The following CREB5 variants were observed in gnomAD, a reference collection of about 807,000 sequenced individuals.
CREB5 encodes the protein cyclic AMP-responsive element-binding protein 5.
A neutral mutation model predicts 57.1 loss-of-function variants in CREB5; 19 were observed. The observed-to-expected ratio is 0.33, with a 90% confidence interval of 0.23 to 0.49. The LOEUF is 0.49. CREB5 is among the 20% of genes least tolerant of loss of function. The pLI, the probability that CREB5 is intolerant of heterozygous loss-of-function variation, is 0.99. For synonymous variants in CREB5, 238 were observed against 238.3 expected, an observed-to-expected ratio of 1.00 and a Z score of 0.01; for missense variants, 579 against 671.6, an observed-to-expected ratio of 0.86 and a Z score of 1.52.
chr7:28,647,203 GCACTGGC>G (rs1228339545), intron 5 of CREB5, among the ~76,000 whole-genome samples: 1 of 151,202 alleles, frequency 6.6e-6, no homozygotes, highest in Non-Finnish European at 1.5e-5. Context: ...GGGCTTGCCA[GCACTGGC>G]CACTGGCCAC....
intron 7 of CREB5, among the ~76,000 whole-genome samples, chr7:28,784,470 C>T (rs1269874231): frequency 2.7e-5 from 4 of 150,834 alleles, no homozygotes; most frequent in Non-Finnish European, 4.5e-5. Context: ...TCCCTCCCTC[C>T]TGCTCATTTT....
intron 1 of CREB5, among the ~76,000 whole-genome samples, chr7:28,356,504 A>G (rs559928438): frequency 6.6e-6 from 1 of 152,340 alleles, no homozygotes; most frequent in East Asian, 1.9e-4. Context: ...TGGCCCACAG[A>G]TATAAACCCA....
intron 7 of CREB5, among the ~76,000 whole-genome samples, chr7:28,797,135 T>C (rs1209319264): frequency 6.6e-6 from 1 of 152,240 alleles, no homozygotes. Flanking sequence ...GGGAAATTGC[T>C]AAAATTTGTC....
chr7:28,819,156 C>G lies in CREB5; in HGVS notation c.1404C>G (p.Cys468Trp). ...SSPPASPVPA[C>W]SQQQVIQHNT... Reference sequence around the variant, plus strand: ...CTCCTGCTAGTCCTGTCCCAGCTTGCTCCCAGCAACAAGTCATCCAGCATA... The same window carrying G: ...CTCCTGCTAGTCCTGTCCCAGCTTGGTCCCAGCAACAAGTCATCCAGCATA... The change falls in exon 11 of 11, where the codon TGC (cysteine) becomes TGG (tryptophan). Residue 468 changes from cysteine to tryptophan, a missense_variant. Transcript: ENST00000357727. 6.2e-7 allele frequency: 1 copy of G among 1,613,772 alleles called. No homozygotes were observed.
intron 7 of CREB5, among the ~76,000 whole-genome samples, chr7:28,799,159 C>A (rs1052777730): frequency 6.6e-6 from 1 of 152,228 alleles, no homozygotes; most frequent in African/African-American, 2.4e-5. Context: ...ACATGCAGAG[C>A]AGCTTGATAA....
At chr7:28,525,547 G>A (rs1793411539) in intron 4 of CREB5, among the ~76,000 whole-genome samples, 1 of 151,930 alleles carries the variant, frequency 6.6e-6, no homozygotes, top group Non-Finnish European at 1.5e-5. Flanking sequence ...ATATCTCATT[G>A]TGGTTTTGAT....
chr7:28,694,353 G>A (rs771384221), intron 5 of CREB5, among the ~76,000 whole-genome samples: 1 of 152,052 alleles, frequency 6.6e-6, no homozygotes, highest in Non-Finnish European at 1.5e-5. Flanking sequence ...TCATGCAGTG[G>A]CCTCTCTATA....
intron 1 of CREB5, among the ~76,000 whole-genome samples, chr7:28,345,253 T>C (rs1426008840): frequency 3.5e-5 from 5 of 143,854 alleles, no homozygotes; most frequent in Admixed American, 1.5e-4. Flanking sequence ...ATAAACCATA[T>C]GGTGGCCCAC....
At chr7:28,673,392 G>A (rs1175240472) in intron 5 of CREB5, among the ~76,000 whole-genome samples, 1 of 152,124 alleles carries the variant, frequency 6.6e-6, no homozygotes, top group African/African-American at 2.4e-5. Flanking sequence ...AGAACCCGCT[G>A]GGCAGCCCAC....
upstream of CREB5, among the ~76,000 whole-genome samples, chr7:28,408,482 C>T (rs1488578309): frequency 6.6e-6 from 1 of 152,182 alleles, no homozygotes; most frequent in Non-Finnish European, 1.5e-5. Flanking sequence ...AGACCAGGCG[C>T]CCGGATCCTG....
At chr7:28,435,746 A>G (rs2128557851) in intron 1 of CREB5, 1 of 843,954 alleles carries the variant, frequency 1.2e-6, no homozygotes, top group Non-Finnish European at 1.4e-6. Context: ...CTCAGATGTA[A>G]ATTACATTTG....
At chr7:28,391,339 G>T (rs570030523) in intron 1 of CREB5, among the ~76,000 whole-genome samples, 2 of 152,290 alleles carry the variant, frequency 1.3e-5, no homozygotes, top group African/African-American at 4.8e-5. Flanking sequence ...GCACTTCACA[G>T]ATGTTTTGCC....
At chr7:28,306,541 G>GTTTTTTTTTTTTTTTTTTTTTTTTTTT (rs199561235) in intron 1 of CREB5, among the ~76,000 whole-genome samples, 1 of 44,458 alleles carries the variant, frequency 2.2e-5, no homozygotes, top group African/African-American at 7.7e-5. Flanking sequence ...TACAGATACA[G>GTTTTTTTTTTTTTTTTTTTTTTTTTTT]TTTTGTTTTT....
At chr7:28,535,638 AAG>A (rs765679520) in intron 4 of CREB5, among the ~76,000 whole-genome samples, 1 of 151,982 alleles carries the variant, frequency 6.6e-6, no homozygotes, top group African/African-American at 2.4e-5. Context: ...AGGAAGGAAA[AAG>A]AGAAGGGAAG....
chr7:28,488,103 C>T (rs996002822), intron 1 of CREB5, 72 bp from the exon 2 acceptor site: 12 of 1,389,910 alleles, frequency 8.6e-6, no homozygotes, highest in African/African-American at 8.5e-5. Context: ...GCCTTTCTCA[C>T]GTTGCTCAGG....
intron 7 of CREB5, among the ~76,000 whole-genome samples, chr7:28,743,106 T>C (rs1282031530): frequency 6.6e-6 from 1 of 152,096 alleles, no homozygotes; most frequent in Non-Finnish European, 1.5e-5. Context: ...ACTAATCGAG[T>C]GTTGAGACTT....
chr7:28,728,104 G>T (rs1165129848), intron 7 of CREB5, among the ~76,000 whole-genome samples: 2 of 152,102 alleles, frequency 1.3e-5, no homozygotes, highest in Non-Finnish European at 2.9e-5. Context: ...CACCTAGCTA[G>T]ATTTTTTTAT....
chr7:28,696,962 C>G lies in CREB5; in HGVS notation c.465-21791C>G, dbSNP rs1801607675. Among the ~76,000 whole-genome samples the G allele has an allele frequency of 2.0e-5, 3 of 151,246 alleles. No individual in the cohort carries two copies. The South Asian group carries it at 6.2e-4, about 31-fold the overall frequency. ...TATATGTGTGTATATGTGTTATACA[C>G]ACATATATATATTTGTGTGTATATA... is the stretch of plus-strand genomic sequence containing the variant. On this transcript the variant is annotated intron_variant, in intron 5 of 10. Transcript: ENST00000357727.
chr7:28,723,873 G>A (rs1803183880), intron 6 of CREB5, among the ~76,000 whole-genome samples: 1 of 152,098 alleles, frequency 6.6e-6, no homozygotes, highest in Non-Finnish European at 1.5e-5. Flanking sequence ...TATAGCTTTT[G>A]TATGGATATA....
Sources: gnomAD v4.1 joint callset for allele counts (sites outside exome capture counted in the v4.1 genomes callset) on GRCh38, gnomAD v4.1.1 for gene constraint, MANE v1.5 for transcripts, NCBI Gene and HGNC (gene_info 2026-07-23, HGNC 2026-07-21) for gene names.